STS: variants seen among roughly 807,000 people sequenced by gnomAD.
STS encodes the protein steryl-sulfatase.
A neutral mutation model predicts 26.8 loss-of-function variants in STS; 7 were observed. That is an observed-to-expected ratio of 0.26 (90% CI 0.15 to 0.49). The LOEUF is 0.49. Ranked by LOEUF, STS falls within the 20% of genes least tolerant of loss-of-function variation. STS has a pLI of 0.98. For missense variants in STS, 434 were observed against 465.6 expected, an observed-to-expected ratio of 0.93 and a Z score of 0.63; for synonymous variants, 199 against 189.4, an observed-to-expected ratio of 1.05 and a Z score of -0.42.
At chrX:7,309,598 T>TAA (rs35728471) in intron 8 of STS, among the ~76,000 whole-genome samples, 1,901 of 89,559 alleles carry the variant, frequency 0.021, 36 homozygotes, top group African/African-American at 0.069. Context: ...GACTTCTTGT[T>TAA]AAAAAAAAAA....
chrX:7,334,129 C>T (rs758748832), intron 10 of STS, 22 bp downstream of exon 10: 22 of 1,209,260 alleles, frequency 1.8e-5, no homozygotes, highest in Middle Eastern at 2.3e-4. Flanking sequence ...GACCTTTCCA[C>T]GCTCCTCATG....
At chrX:7,153,668 C>T (rs1296139686) in intron 1 of STS, among the ~76,000 whole-genome samples, 1 of 92,545 alleles carries the variant, frequency 1.1e-5, no homozygotes, top group Non-Finnish European at 2.2e-5. Context: ...CTCCCTCTCT[C>T]CTTCCCTCCC....
chrX:7,204,884 C>G (rs1403376369), intron 2 of STS, among the ~76,000 whole-genome samples: 1 of 108,194 alleles, frequency 9.2e-6, no homozygotes, highest in Admixed American at 1.0e-4. Flanking sequence ...TCCTTCCTTT[C>G]CCTTATTCCT....
chrX:7,311,126 T>C (rs762298774), intron 8 of STS, among the ~76,000 whole-genome samples: 1 of 111,125 alleles, frequency 9.0e-6, no homozygotes, highest in East Asian at 2.8e-4. Flanking sequence ...TTATCTGACA[T>C]TGGTCATCTT....
At chrX:7,291,535 G>C (rs1323265845) in intron 7 of STS, among the ~76,000 whole-genome samples, 1 of 112,221 alleles carries the variant, frequency 8.9e-6, no homozygotes, top group African/African-American at 3.2e-5. Context: ...AATTAAAACA[G>C]AACAAACCTC....
chrX:7,278,325 A>G (rs1242941217), intron 7 of STS, among the ~76,000 whole-genome samples: 1 of 112,316 alleles, frequency 8.9e-6, no homozygotes, highest in Non-Finnish European at 1.9e-5. Flanking sequence ...ATGTAATAAA[A>G]TAAAAGGGGG....
At chrX:7,168,532 G>A (rs1933396875) in intron 1 of STS, among the ~76,000 whole-genome samples, 1 of 111,664 alleles carries the variant, frequency 9.0e-6, no homozygotes, top group Non-Finnish European at 1.9e-5. Context: ...TCTGAAAACA[G>A]GATCAGAGGG....
intron 1 of STS, among the ~76,000 whole-genome samples, chrX:7,169,862 C>T (rs1294408315): frequency 1.2e-5 from 1 of 82,231 alleles, no homozygotes; most frequent in Non-Finnish European, 2.1e-5. Context: ...TAGAAAAACT[C>T]ATTATAACAC....
At chrX:7,177,122 C>A (rs966386015) in intron 1 of STS, among the ~76,000 whole-genome samples, 1 of 111,460 alleles carries the variant, frequency 9.0e-6, no homozygotes, top group Non-Finnish European at 1.9e-5. Flanking sequence ...TTAATATAAT[C>A]ACATCTACAA....
intron 3 of STS, among the ~76,000 whole-genome samples, chrX:7,254,349 C>G (rs1923293987): frequency 9.0e-6 from 1 of 111,277 alleles, no homozygotes; most frequent in Non-Finnish European, 1.9e-5. Context: ...AACATAAGAC[C>G]TATTTTAAGG....
chrX:7,263,740 G>A (rs1013257853), intron 6 of STS, among the ~76,000 whole-genome samples: 2 of 111,671 alleles, frequency 1.8e-5, no homozygotes, highest in African/African-American at 6.5e-5. Context: ...AAAATCTATA[G>A]TTTGGTGTTG....
At chrX:7,316,303 C>G (rs1926712855) in intron 8 of STS, among the ~76,000 whole-genome samples, 1 of 111,695 alleles carries the variant, frequency 9.0e-6, no homozygotes, top group African/African-American at 3.3e-5. Flanking sequence ...CACCCCACCC[C>G]AAAAAATCAA....
chrX:7,204,790 C>G (rs760814681), intron 2 of STS, among the ~76,000 whole-genome samples: 1 of 103,980 alleles, frequency 9.6e-6, no homozygotes, highest in East Asian at 3.1e-4. Context: ...TTCCTCCTAA[C>G]TTCCTCTCTC....
At chrX:7,210,040 T>C (rs1920988861) in intron 2 of STS, among the ~76,000 whole-genome samples, 1 of 111,710 alleles carries the variant, frequency 9.0e-6, no homozygotes, top group African/African-American at 3.3e-5. Flanking sequence ...GGCATTTGGG[T>C]TGGTTCCATG....
At chrX:7,168,517 G>A (rs1025090537) in intron 1 of STS, among the ~76,000 whole-genome samples, 3 of 111,584 alleles carry the variant, frequency 2.7e-5, no homozygotes. Context: ...AGGGGCTGTG[G>A]CTCCTCTGAA....
chrX:7,199,251 T>G (rs1235901793), intron 2 of STS, among the ~76,000 whole-genome samples: 2 of 111,468 alleles, frequency 1.8e-5, no homozygotes, highest in Non-Finnish European at 3.8e-5. Context: ...TCATCATGTT[T>G]CAATATAAAA....
chrX:7,165,575 G>A (rs979829699), intron 1 of STS, among the ~76,000 whole-genome samples: 4 of 111,550 alleles, frequency 3.6e-5, no homozygotes, highest in African/African-American at 1.3e-4. Context: ...GAGCCTAGGA[G>A]TTTGAGGTTG....
At chrX:7,200,423 T>A (rs1396061521) in intron 2 of STS, among the ~76,000 whole-genome samples, 1 of 111,685 alleles carries the variant, frequency 9.0e-6, no homozygotes, top group Non-Finnish European at 1.9e-5. Context: ...GCTTCAGCTT[T>A]CTCTGCCTCT....
intron 2 of STS, among the ~76,000 whole-genome samples, chrX:7,203,868 T>A (rs1418767358): frequency 9.0e-6 from 1 of 111,542 alleles, no homozygotes; most frequent in African/African-American, 3.3e-5. Flanking sequence ...CATTGTAGCC[T>A]CAAACTTCTG....
Sources: gnomAD v4.1 joint callset for allele counts (sites outside exome capture counted in the v4.1 genomes callset) on GRCh38, gnomAD v4.1.1 for gene constraint, MANE v1.5 for transcripts, NCBI Gene and HGNC (gene_info 2026-07-23, HGNC 2026-07-21) for gene names.